TNS1: variants seen among roughly 807,000 people sequenced by gnomAD.
TNS1 encodes tensin-1.
In TNS1, 62 loss-of-function variants were observed where a neutral mutation model predicts 168.6. The observed-to-expected ratio is 0.37, with a 90% CI of 0.30 to 0.45. The LOEUF (loss-of-function observed/expected upper bound fraction) is 0.45, where lower values mean the gene tolerates loss of function less well. TNS1 is among the 20% of genes least tolerant of loss of function. TNS1 has a pLI of 1.00. For synonymous variants in TNS1, 934 were observed against 933.2 expected (o/e 1.00, Z -0.02); for missense variants, 2,240 against 2,339.4 (o/e 0.96, Z 0.88).
chr2:217,997,320 T>C (rs1462188508), intron 1 of TNS1, among the ~76,000 whole-genome samples: 3 of 152,188 alleles, frequency 2.0e-5, no homozygotes, highest in African/African-American at 4.8e-5. Context: ...AGAATGTCCA[T>C]GAGAGCCGGG....
intron 12 of TNS1, among the ~76,000 whole-genome samples, chr2:217,889,297 C>T (rs988040051): frequency 1.3e-5 from 2 of 152,212 alleles, no homozygotes; most frequent in South Asian, 2.1e-4. Context: ...ATTACAATGG[C>T]GGGAATAGCC....
chr2:217,927,314 G>A (rs1038341498), intron 3 of TNS1, among the ~76,000 whole-genome samples: 2 of 152,178 alleles, frequency 1.3e-5, no homozygotes, highest in Non-Finnish European at 2.9e-5. Flanking sequence ...GAAAGGAAGA[G>A]GAGCATTGAA....
intron 1 of TNS1, among the ~76,000 whole-genome samples, chr2:217,993,106 C>G (rs1031135743): frequency 2.0e-5 from 3 of 152,140 alleles, no homozygotes; most frequent in African/African-American, 7.2e-5. Flanking sequence ...AGCCCGGGAG[C>G]TATAGGCTAT....
At chr2:217,950,963 T>C (rs561251236) in intron 3 of TNS1, among the ~76,000 whole-genome samples, 150 of 152,128 alleles carry the variant, frequency 9.9e-4, no homozygotes, top group Non-Finnish European at 1.7e-3. Context: ...CTCCGCTCCC[T>C]AGAGTTTTTA....
upstream of TNS1, among the ~76,000 whole-genome samples, chr2:218,012,994 C>T (rs10180730): frequency 0.88 from 133,324 of 151,948 alleles, 58,892 homozygotes; most frequent in East Asian, 1. Context: ...ACACCTGTAA[C>T]CCTGGCACTT....
intron 18 of TNS1, chr2:217,859,754 AC>A: frequency 1.4e-6 from 2 of 1,411,344 alleles, no homozygotes; most frequent in East Asian, 5.0e-5. Flanking sequence ...GCAATGCCTC[AC>A]CCTCGTTCCC....
intron 3 of TNS1, among the ~76,000 whole-genome samples, chr2:217,970,673 A>G (rs771404075): frequency 6.6e-6 from 1 of 152,220 alleles, no homozygotes; most frequent in Non-Finnish European, 1.5e-5. Flanking sequence ...GCAAATATAT[A>G]GAGACGGGAA....
At chr2:217,927,627 G>C (rs1052924236) in intron 3 of TNS1, among the ~76,000 whole-genome samples, 1 of 152,156 alleles carries the variant, frequency 6.6e-6, no homozygotes, top group African/African-American at 2.4e-5. Flanking sequence ...CTATAACCCA[G>C]AGACAAGAGG....
chr2:217,935,478 C>T (rs919139667), intron 3 of TNS1, among the ~76,000 whole-genome samples: 1 of 152,226 alleles, frequency 6.6e-6, no homozygotes, highest in African/African-American at 2.4e-5. Context: ...TCTCCCAGGG[C>T]TCCAGCCTGG....
intron 13 of TNS1, 148 bp downstream of exon 13, chr2:217,886,386 A>G: frequency 1.4e-6 from 1 of 704,058 alleles, no homozygotes; most frequent in Non-Finnish European, 2.5e-6. Context: ...AAAGTTTAGG[A>G]AGCAATACAC....
chr2:217,972,395 C>G (rs936344151), intron 3 of TNS1, among the ~76,000 whole-genome samples: 1 of 152,228 alleles, frequency 6.6e-6, no homozygotes, highest in Non-Finnish European at 1.5e-5. Context: ...TCCAACCCAA[C>G]TGTAAAAGAA....
At chr2:217,852,435 C>T (rs1947631908) in intron 18 of TNS1, among the ~76,000 whole-genome samples, 1 of 152,214 alleles carries the variant, frequency 6.6e-6, no homozygotes, top group Non-Finnish European at 1.5e-5. Flanking sequence ...CACGTTCATG[C>T]TCATGTGGTC....
At chr2:218,025,271 CAG>C (rs1474552536) in intron 1 of TNS1, among the ~76,000 whole-genome samples, 2 of 152,170 alleles carry the variant, frequency 1.3e-5, no homozygotes, top group Admixed American at 6.5e-5. Flanking sequence ...TTTTTTGAGA[CAG>C]AGTCTTGCTC....
chr2:217,862,911 G>A (rs55659243), intron 18 of TNS1, among the ~76,000 whole-genome samples: 5,476 of 152,246 alleles, frequency 0.036, 107 homozygotes, highest in Middle Eastern at 0.062. Flanking sequence ...CCAACTGTAG[G>A]TCAAGCAAAT....
intron 3 of TNS1, among the ~76,000 whole-genome samples, chr2:217,964,887 G>A (rs911995040): frequency 1.7e-4 from 26 of 152,116 alleles, no homozygotes; most frequent in African/African-American, 5.1e-4. Flanking sequence ...TCCTCCTAAC[G>A]GCCCCCCGCT....
chr2:217,873,153 ATACTT>A (rs1320126868), intron 18 of TNS1, among the ~76,000 whole-genome samples: 1 of 152,234 alleles, frequency 6.6e-6, no homozygotes, highest in East Asian at 1.9e-4. Context: ...ATTGAATTGT[ATACTT>A]TAAAGAGGTG....
chr2:217,946,967 T>TCACACACACACACACA (rs1377730479), intron 3 of TNS1, among the ~76,000 whole-genome samples: 2 of 125,282 alleles, frequency 1.6e-5, no homozygotes, highest in African/African-American at 7.7e-5. Context: ...TCTCTCTCTC[T>TCACACACACACACACA]CTCACACACA....
intron 12 of TNS1, among the ~76,000 whole-genome samples, chr2:217,889,892 G>C (rs1384725955): frequency 1.3e-5 from 2 of 152,182 alleles, no homozygotes; most frequent in East Asian, 3.9e-4. Flanking sequence ...CATCCTGGCT[G>C]CAGCCTCCCC....
intron 19 of TNS1, chr2:217,842,269 C>T (rs1946071637): frequency 3.5e-6 from 2 of 569,830 alleles, no homozygotes; most frequent in Non-Finnish European, 6.2e-6. Context: ...TCTCCTTAAA[C>T]TCCTGACTCA....
Sources: allele counts gnomAD v4.1 joint callset (sites outside exome capture counted in the v4.1 genomes callset), GRCh38; gene constraint gnomAD v4.1.1; transcripts MANE v1.5; gene names NCBI Gene and HGNC (gene_info 2026-07-23, HGNC 2026-07-21).